Variants in SNX2 observed in about 807,000 individuals in gnomAD.
SNX2 encodes sorting nexin-2.
A neutral mutation model predicts 69.9 loss-of-function variants in SNX2; 25 were observed. The ratio of observed to expected loss-of-function variants is 0.36; its 90% CI spans 0.26 to 0.50. The LOEUF (loss-of-function observed/expected upper bound fraction) is 0.50, where lower values mean the gene tolerates loss of function less well. Among genes scored for constraint, SNX2 ranks in the 20% least tolerant of loss-of-function variants. SNX2 has a pLI of 0.97. For missense variants in SNX2, 551 were observed against 613.3 expected (o/e 0.90, Z 1.07); for synonymous variants, 229 against 200.4 (o/e 1.14, Z -1.20).
chr5:122,783,328 C>A (rs1366676062), intron 1 of SNX2, among the ~76,000 whole-genome samples: 1 of 152,056 alleles, frequency 6.6e-6, no homozygotes, highest in African/African-American at 2.4e-5. Context: ...GCTATCTTTT[C>A]TTTTTTTATT....
chr5:122,795,307 A>G lies in SNX2; in HGVS notation c.150A>G (p.Glu50=). The G allele has an allele frequency of 6.2e-7, 1 of 1,613,942 alleles. No individual in the cohort carries two copies. The highest frequency in any genetic ancestry group is 8.5e-7 in the Non-Finnish European group (1 of 1,179,880). Residue 50 remains glutamate (E), a synonymous_variant, in exon 2 of 15, where the codon GAA becomes GAG. Coordinates refer to ENST00000379516, the MANE Select transcript of SNX2 (RefSeq NM_003100.4). ...CAGAACCAGCTAGTCTTCCTGCAGA[A>G]GATATTAGTGCAAACTCCAATGGCC... is the stretch of plus-strand genomic sequence containing the variant. ...SSPEPASLPA[E]DISANSNGPK...
chr5:122,817,168 GT>G (rs1304499323), intron 9 of SNX2, 111 bp from the exon 10 acceptor site: 43 of 1,189,540 alleles, frequency 3.6e-5, no homozygotes, highest in Non-Finnish European at 4.9e-5. Flanking sequence ...GGCCACCATG[GT>G]TATAAGGTTA....
At chr5:122,805,125 CTACAAAAA>C (rs1254569042) in intron 6 of SNX2, among the ~76,000 whole-genome samples, 2 of 151,634 alleles carry the variant, frequency 1.3e-5, no homozygotes, top group African/African-American at 4.8e-5. Flanking sequence ...AACCCTGTCT[CTACAAAAA>C]TACAAAAATT....
intron 2 of SNX2, among the ~76,000 whole-genome samples, chr5:122,796,119 C>T (rs2150005951): frequency 6.6e-6 from 1 of 152,176 alleles, no homozygotes; most frequent in Admixed American, 6.5e-5. Context: ...TTGGGATTTT[C>T]ACACTAAACA....
At chr5:122,809,922 TTAGGCATTTGAA>T (rs1309923873) in intron 7 of SNX2, among the ~76,000 whole-genome samples, 3 of 151,872 alleles carry the variant, frequency 2.0e-5, no homozygotes, top group African/African-American at 7.3e-5. Flanking sequence ...GAAGTTTAGG[TTAGGCATTTGAA>T]TTGATTTTAT....
chr5:122,823,801 TG>T (rs1176365473), intron 11 of SNX2, among the ~76,000 whole-genome samples: 1 of 151,680 alleles, frequency 6.6e-6, no homozygotes, highest in South Asian at 2.1e-4. Context: ...TGTGTGTGTG[TG>T]TGTGTGTGTA....
In SNX2 at chr5:122,808,308, C is replaced by T; in HGVS notation, c.675C>T (p.Asp225=). The T allele has an allele frequency of 6.2e-7, 1 of 1,611,346 alleles. No individual in the cohort carries two copies. Among genetic ancestry groups the T allele is most frequent in the Non-Finnish European group, 8.5e-7 (1 of 1,178,940 alleles). The change falls in exon 7 of 15, where the codon GAC becomes GAT. Residue 225 remains aspartate (D), a synonymous_variant. Transcript: ENST00000379516. The part of the protein sequence containing the change: ...GMTKVKVGKE[D]SSSTEFVEKR... ...CCAAGGTCAAAGTGGGTAAAGAAGACTCATCATCCACTGAGTTTGTAGAAA... is the reference window on the plus strand; with the variant it reads ...CCAAGGTCAAAGTGGGTAAAGAAGATTCATCATCCACTGAGTTTGTAGAAA...
At chr5:122,792,868 T>C (rs2150004573) in intron 1 of SNX2, among the ~76,000 whole-genome samples, 2 of 152,206 alleles carry the variant, frequency 1.3e-5, no homozygotes, top group East Asian at 3.9e-4. Flanking sequence ...TTTAAACATA[T>C]GAAAAATTGC....
rs1371888017 is a variant in SNX2 at position 122,801,869 on chromosome 5, A to G, written c.391A>G (p.Ile131Val). 1 of 1,568,768 alleles carries G rather than the reference A, an allele frequency of 6.4e-7. No homozygotes were observed. Among genetic ancestry groups the G allele is most frequent in the Non-Finnish European group, 8.7e-7 (1 of 1,146,102 alleles). Residue 131 changes from isoleucine (I) to valine (V), a missense_variant and splice_region_variant, in exon 4 of 15, where the codon ATT becomes GTT. Physicochemically the swap from Ile to Val is conservative, Grantham distance 29 (BLOSUM62 3). Coordinates refer to ENST00000379516, the MANE Select transcript of SNX2 (RefSeq NM_003100.4). The stretch of plus-strand genomic sequence containing the variant: ...CCAAAAAATAATTTATACTTTCTAG[A>G]TTGAAGAAGAAGCAAATGGAGACAT... ...PVIFDRSREEIEEEANGDIFD... is the reference protein window; with the variant it reads ...PVIFDRSREEVEEEANGDIFD...
At chr5:122,812,731 C>T (rs1485984374) in intron 7 of SNX2, among the ~76,000 whole-genome samples, 1 of 152,178 alleles carries the variant, frequency 6.6e-6, no homozygotes, top group African/African-American at 2.4e-5. Flanking sequence ...CCCTTTTGCT[C>T]ACTGATGTGT....
chr5:122,817,322 C>G lies in SNX2; in HGVS notation c.955C>G (p.Gln319Glu). The change falls in exon 10 of 15, where the codon CAA becomes GAA. Residue 319 changes from glutamine to glutamate, a missense_variant. Gln to Glu is a conservative substitution (Grantham distance 29). Coordinates refer to ENST00000379516, the MANE Select transcript of SNX2 (RefSeq NM_003100.4). ...KQQQFENLDQ[Q>E]LRKLHVSVEA... is the part of the protein sequence containing the mutation. ...GCAGCAATTTGAGAATCTGGATCAG[C>G]AACTTAGGAAACTTCATGTCAGTGT... 6.2e-7 allele frequency: 1 copy of G among 1,613,916 alleles called. No homozygotes were observed. Among genetic ancestry groups the G allele is most frequent in the South Asian group, 1.1e-5 (1 of 91,066 alleles).
chr5:122,815,371 C>T (rs1420274215), intron 7 of SNX2, among the ~76,000 whole-genome samples: 1 of 152,212 alleles, frequency 6.6e-6, no homozygotes, highest in Non-Finnish European at 1.5e-5. Flanking sequence ...AAATTTAGTT[C>T]TTGTCAAGTG....
Position 122,831,896 on chromosome 5 carries a change from T to A in SNX2, c.*2248T>A, listed in dbSNP as rs1214766893. ...CTCCCTTCCAGACTTCCATTTCCCT[T>A]GCCCACATTTACTAAAAGATGAGTG... On this transcript the variant is annotated 3_prime_UTR_variant, in exon 15 of 15. Coordinates refer to ENST00000379516, the MANE Select transcript of SNX2 (RefSeq NM_003100.4). 1.3e-5 allele frequency among the ~76,000 whole-genome samples: 2 copies of A among 152,190 alleles called. No homozygotes were observed. Among genetic ancestry groups the A allele is most frequent in the Non-Finnish European group, 2.9e-5 (2 of 68,026 alleles).
chr5:122,806,129 TACACACGCGCGCGCACAC>T (rs1255989934), intron 6 of SNX2, among the ~76,000 whole-genome samples: 1 of 24,544 alleles, frequency 4.1e-5, no homozygotes, highest in Non-Finnish European at 8.1e-5. Context: ...TGTATATATA[TACACACGCGCGCGCACAC>T]ACACACACAC....
intron 1 of SNX2, among the ~76,000 whole-genome samples, chr5:122,777,940 T>C (rs1752890475): frequency 6.6e-6 from 1 of 152,238 alleles, no homozygotes; most frequent in South Asian, 2.1e-4. Flanking sequence ...ATTCCTCCTA[T>C]TTGGCTGTAA....
rs771612228 is a variant in SNX2, at chr5:122,801,878, G to C, written c.400G>C (p.Glu134Gln). ...FDRSREEIEE[E>Q]ANGDIFDIEI... ...AATTTATACTTTCTAGATTGAAGAA[G>C]AAGCAAATGGAGACATTTTTGACAT... The change falls in exon 4 of 15, where the codon GAA becomes CAA. Residue 134 changes from glutamate to glutamine, a missense_variant. This residue lies in a region of SNX2 where 191 missense variants were observed against 162.9 expected (regional missense o/e 1.17). Coordinates refer to ENST00000379516, the MANE Select transcript of SNX2 (RefSeq NM_003100.4). 4 of 1,590,784 alleles carry C rather than the reference G, an allele frequency of 2.5e-6. No individual in the cohort carries two copies. The highest frequency in any genetic ancestry group is 3.4e-6 in the Non-Finnish European group (4 of 1,163,390).
At position 122,812,201 on chromosome 5, in the gene SNX2, G is replaced by A. The variant is rs11241659; in HGVS notation, c.723-3695G>A. Reference sequence around the variant, plus strand: ...TCAGATCATTTTAACCCCTCCCCACGCTGGCCCCATGCCCCCATTTTACTC... The same window carrying A: ...TCAGATCATTTTAACCCCTCCCCACACTGGCCCCATGCCCCCATTTTACTC... On this transcript the variant is annotated intron_variant, in intron 7 of 14. Coordinates refer to ENST00000379516, the MANE Select transcript of SNX2 (RefSeq NM_003100.4). 3.9e-5 allele frequency among the ~76,000 whole-genome samples: 6 copies of A among 151,928 alleles called. No individual in the cohort carries two copies. In the East Asian group the frequency reaches 5.8e-4, roughly 15 times the overall value.
In SNX2 at chr5:122,830,558, A is replaced by G. The variant is rs1187668453; in HGVS notation, c.*910A>G. 1.3e-5 allele frequency among the ~76,000 whole-genome samples: 2 copies of G among 152,166 alleles called. No homozygotes were observed. Among genetic ancestry groups the G allele is most frequent in the African/African-American group, 4.8e-5 (2 of 41,424 alleles). ...CATCTGTGCTCACAGTTGACAAGGA[A>G]TGGTACCATGTTAAAATATACCATG... is the stretch of plus-strand genomic sequence containing the variant. On this transcript the variant is annotated 3_prime_UTR_variant, in exon 15 of 15. Coordinates refer to ENST00000379516, the MANE Select transcript of SNX2 (RefSeq NM_003100.4).
At chr5:122,815,845 C>A in intron 7 of SNX2, 51 bp from the exon 8 acceptor site, 1 of 952,906 alleles carries the variant, frequency 1.0e-6, no homozygotes, top group Non-Finnish European at 1.6e-6. Flanking sequence ...TTTTGTTGAA[C>A]TGTAATTCAA....
Sources: gnomAD v4.1 joint callset for allele counts (sites outside exome capture counted in the v4.1 genomes callset) on GRCh38, gnomAD v4.1.1 for gene constraint, gnomAD v4.1.1 regional missense constraint, MANE v1.5 for transcripts, NCBI Gene and HGNC (gene_info 2026-07-23, HGNC 2026-07-21) for gene names.